CDKL1: variants seen among roughly 807,000 people sequenced by gnomAD.
CDKL1 encodes the protein cyclin-dependent kinase-like 1.
CDKL1 carries 41 observed loss-of-function variants against 42.0 expected under a neutral mutation model. The observed-to-expected ratio is 0.98, with a 90% CI of 0.76 to 1.27. The LOEUF is 1.27. Among genes scored for constraint, CDKL1 ranks in the 50% most tolerant of loss-of-function variants. The probability of loss-of-function intolerance (pLI) is 0.00; values close to 1 mark genes in which losing one functional copy is unlikely to be tolerated. For synonymous variants in CDKL1, 153 were observed against 158.6 expected (o/e 0.96, Z 0.26); for missense variants, 394 against 428.4 (o/e 0.92, Z 0.71).
chr14:50,386,502 G>A (rs115893822), intron 2 of CDKL1, among the ~76,000 whole-genome samples: 2,164 of 152,300 alleles, frequency 0.014, 45 homozygotes, highest in African/African-American at 0.05. Flanking sequence ...CTAATCTAGC[G>A]AAGGGTATGC....
At chr14:50,334,357 G>GA in intron 8 of CDKL1, 1 of 464,780 alleles carries the variant, frequency 2.2e-6, no homozygotes, top group East Asian at 3.4e-5. Flanking sequence ...TCACCATGTT[G>GA]ACCAGGCTGG....
intron 4 of CDKL1, among the ~76,000 whole-genome samples, chr14:50,344,522 T>A (rs190989139): frequency 8.8e-5 from 13 of 147,318 alleles, no homozygotes; most frequent in African/African-American, 3.0e-4. Context: ...CAGGTTGGAG[T>A]ACAGTGGCAT....
chr14:50,392,463 AT>A (rs1447313143), intron 2 of CDKL1, among the ~76,000 whole-genome samples: 1 of 143,472 alleles, frequency 7.0e-6, no homozygotes, highest in Non-Finnish European at 1.5e-5. Context: ...AATAATAATA[AT>A]AATAATAATA....
chr14:50,353,834 T>C (rs941421692), intron 3 of CDKL1, among the ~76,000 whole-genome samples: 1 of 152,180 alleles, frequency 6.6e-6, no homozygotes, highest in Non-Finnish European at 1.5e-5. Context: ...AGTTCAAGTT[T>C]AGCCTGAGCA....
intron 8 of CDKL1, chr14:50,334,322 T>G (rs908625094): frequency 4.5e-5 from 15 of 335,438 alleles, no homozygotes; most frequent in Non-Finnish European, 6.8e-5. Context: ...ACGCCTAATT[T>G]TTTTTATTTT....
intron 4 of CDKL1, chr14:50,343,018 GT>G (rs772299178): frequency 7.4e-7 from 1 of 1,353,588 alleles, no homozygotes; most frequent in South Asian, 1.2e-5. Context: ...CAAATCACCT[GT>G]GGTTTCCAGC....
At chr14:50,343,121 G>T in intron 4 of CDKL1, 4 of 999,258 alleles carry the variant, frequency 4.0e-6, no homozygotes, top group South Asian at 3.2e-5. Context: ...AATTTCTTTG[G>T]CAAAGAACAA....
intron 2 of CDKL1, among the ~76,000 whole-genome samples, chr14:50,376,015 C>T (rs531758575): frequency 2.1e-4 from 32 of 152,068 alleles, no homozygotes; most frequent in Admixed American, 1.6e-3. Context: ...GAGGAGGCTG[C>T]GGACACAGCC....
chr14:50,347,794 A>C (rs1266550289), intron 3 of CDKL1, among the ~76,000 whole-genome samples: 1 of 152,208 alleles, frequency 6.6e-6, no homozygotes, highest in Non-Finnish European at 1.5e-5. Context: ...GAGTGAATCC[A>C]GCTAAAGAAG....
intron 2 of CDKL1, among the ~76,000 whole-genome samples, chr14:50,385,285 C>T (rs1160598417): frequency 6.6e-6 from 1 of 152,046 alleles, no homozygotes; most frequent in African/African-American, 2.4e-5. Context: ...TGACATCATA[C>T]ACTTACTGAT....
chr14:50,326,638 TAA>T lies in CDKL1; in HGVS notation c.*3434_*3435del. The T allele has an allele frequency of 1.0e-6, 1 of 985,416 alleles. No individual in the cohort carries two copies. The highest frequency in any genetic ancestry group is 1.1e-4 in the East Asian group (1 of 8,822). 61.0% of individuals were successfully genotyped at this position (985,416 alleles called of 1,614,324 possible). ...TTGTAAGCTTAGGCTACTATTTTAT[TAA>T]AACTGGACATAGATACTTGGCTGAA... On this transcript the variant is annotated 3_prime_UTR_variant, in exon 10 of 10. Coordinates refer to ENST00000395834, the MANE Select transcript of CDKL1 (RefSeq NM_004196.7).
At chr14:50,345,104 G>A in intron 3 of CDKL1, 46 bp from the exon 4 acceptor site, 3 of 1,557,086 alleles carry the variant, frequency 1.9e-6, no homozygotes, top group Non-Finnish European at 2.6e-6. Flanking sequence ...GTGTAGCCAT[G>A]GAATTCAGCT....
At chr14:50,332,663 T>C (rs1595245950) in intron 8 of CDKL1, 1 of 1,532,760 alleles carries the variant, frequency 6.5e-7, no homozygotes, top group Non-Finnish European at 8.7e-7. Context: ...CTCCACCTTA[T>C]TCTGTTCTTG....
intron 2 of CDKL1, 132 bp from the exon 3 acceptor site, chr14:50,359,281 T>A: frequency 3.0e-6 from 3 of 1,005,800 alleles, no homozygotes; most frequent in Non-Finnish European, 4.3e-6. Flanking sequence ...CTGTAAACAG[T>A]ATCATCTTAC....
chr14:50,363,097 G>A (rs1001353275), intron 2 of CDKL1: 1 of 316,308 alleles, frequency 3.2e-6, no homozygotes, highest in Non-Finnish European at 7.2e-6. Flanking sequence ...TCACTGCGAA[G>A]GTCTGCAGCT....
chr14:50,340,303 T>C (rs903891691), intron 6 of CDKL1, among the ~76,000 whole-genome samples: 6 of 152,206 alleles, frequency 3.9e-5, no homozygotes, highest in African/African-American at 1.4e-4. Context: ...AAGTTTACAG[T>C]ATCTTTGGGA....
intron 7 of CDKL1, chr14:50,335,475 T>G: frequency 6.5e-7 from 1 of 1,535,942 alleles, no homozygotes; most frequent in Non-Finnish European, 8.7e-7. Context: ...GTTTAAACAG[T>G]CTCCTGTGGG....
intron 2 of CDKL1, among the ~76,000 whole-genome samples, chr14:50,395,412 C>G (rs1279506550): frequency 1.3e-5 from 2 of 152,228 alleles, no homozygotes; most frequent in East Asian, 3.8e-4. Context: ...TCACTGAAGT[C>G]AAAAGGCTAT....
chr14:50,395,666 C>T (rs771145326), intron 2 of CDKL1, 35 bp downstream of exon 2: 3 of 1,473,412 alleles, frequency 2.0e-6, no homozygotes, highest in African/African-American at 1.4e-5. Flanking sequence ...AACCCTGTCT[C>T]GAAAAAGAAA....
Sources: allele counts gnomAD v4.1 joint callset (sites outside exome capture counted in the v4.1 genomes callset), GRCh38; gene constraint gnomAD v4.1.1; transcripts MANE v1.5; gene names NCBI Gene and HGNC (gene_info 2026-07-23, HGNC 2026-07-21).